The following TESK2 variants were observed in gnomAD, a reference collection of about 807,000 sequenced individuals.
The protein encoded by TESK2 is testis associated actin remodelling kinase 2, also known as dual specificity testis-specific protein kinase 2.
In TESK2, 39 loss-of-function variants were observed where a neutral mutation model predicts 57.1. The ratio of observed to expected loss-of-function variants is 0.68; its 90% confidence interval spans 0.53 to 0.89. The LOEUF (loss-of-function observed/expected upper bound fraction) is 0.89, where lower values mean the gene tolerates loss of function less well. TESK2 is among the 40% of genes least tolerant of loss of function. The pLI, the probability that TESK2 is intolerant of heterozygous loss-of-function variation, is 0.00. For synonymous variants in TESK2, 249 were observed against 267.9 expected (o/e 0.93, Z 0.69); for missense variants, 646 against 732.1 (o/e 0.88, Z 1.36).
At chr1:45,395,721 C>G (rs989975312) in intron 3 of TESK2, among the ~76,000 whole-genome samples, 1 of 150,562 alleles carries the variant, frequency 6.6e-6, no homozygotes, top group African/African-American at 2.4e-5. Context: ...ATCTTTCTGC[C>G]TCACCCTCCC....
intron 1 of TESK2, among the ~76,000 whole-genome samples, chr1:45,461,020 G>A (rs1322691794): frequency 1.3e-5 from 2 of 152,054 alleles, no homozygotes; most frequent in African/African-American, 4.8e-5. Flanking sequence ...CCAGAGTCAT[G>A]GGTCATAATA....
chr1:45,425,377 G>A (rs1650645776), intron 2 of TESK2, among the ~76,000 whole-genome samples: 1 of 152,176 alleles, frequency 6.6e-6, no homozygotes, highest in Non-Finnish European at 1.5e-5. Context: ...AAAAGGCCAG[G>A]CACAGTGGTT....
intron 2 of TESK2, among the ~76,000 whole-genome samples, chr1:45,432,617 G>A (rs550977958): frequency 1.0e-3 from 154 of 150,752 alleles, no homozygotes; most frequent in African/African-American, 3.6e-3. Context: ...CGTGAACTGG[G>A]GAGGCGGAGC....
At chr1:45,436,799 C>CTTTTT (rs35797939) in intron 2 of TESK2, among the ~76,000 whole-genome samples, 1 of 123,120 alleles carries the variant, frequency 8.1e-6, no homozygotes, top group Non-Finnish European at 1.7e-5. Context: ...ACATTAGTAT[C>CTTTTT]TTTTTTTTTT....
chr1:45,468,427 G>C (rs1453929131), intron 1 of TESK2, among the ~76,000 whole-genome samples: 1 of 152,030 alleles, frequency 6.6e-6, no homozygotes, highest in African/African-American at 2.4e-5. Context: ...AATCAACCAA[G>C]CTATAAATGG....
chr1:45,395,532 A>G (rs1649320191), intron 3 of TESK2, among the ~76,000 whole-genome samples: 1 of 151,888 alleles, frequency 6.6e-6, no homozygotes, highest in South Asian at 2.1e-4. Context: ...ATCCTCAAAT[A>G]CCAGTTCAAA....
intron 1 of TESK2, among the ~76,000 whole-genome samples, chr1:45,484,293 G>A (rs1328474801): frequency 6.6e-6 from 1 of 151,652 alleles, no homozygotes; most frequent in Non-Finnish European, 1.5e-5. Flanking sequence ...ATTTTTAGTA[G>A]AGACGGGGTT....
At position 45,357,832 on chromosome 1, in the gene TESK2, C is replaced by G. The variant is rs144501950; in HGVS notation, c.394-2383G>C. Among the ~76,000 whole-genome samples, 347 of 151,100 alleles carry G rather than the reference C, an allele frequency of 2.3e-3. 6 individuals carry two copies. In the East Asian group the frequency reaches 0.031, roughly 13 times the overall value. ...ACCAGCCTGACCAACATGGAGAAACCCTGTCTCTACTAAAAATACAAAATT... is the reference window on the plus strand; with the variant it reads ...ACCAGCCTGACCAACATGGAGAAACGCTGTCTCTACTAAAAATACAAAATT... On this transcript the variant is annotated intron_variant, in intron 4 of 10. Transcript: ENST00000372086.
At chr1:45,346,110 C>T in intron 9 of TESK2, 116 bp from the exon 10 acceptor site, 1 of 785,038 alleles carries the variant, frequency 1.3e-6, no homozygotes, top group South Asian at 1.6e-5. Context: ...GAGACCTTTT[C>T]TAAAGGCCCC....
At chr1:45,479,544 G>A (rs901240173) in intron 1 of TESK2, among the ~76,000 whole-genome samples, 4 of 151,578 alleles carry the variant, frequency 2.6e-5, no homozygotes, top group Non-Finnish European at 5.9e-5. Flanking sequence ...CAATTCTCCT[G>A]CCTTACCCTC....
chr1:45,450,743 G>T lies in TESK2; in HGVS notation c.222+6821C>A, dbSNP rs549452027. Among the ~76,000 whole-genome samples the T allele has an allele frequency of 2.0e-5, 3 of 151,264 alleles. No individual in the cohort carries two copies. In the South Asian group the frequency reaches 6.3e-4, roughly 32 times the overall value. On this transcript the variant is annotated intron_variant, in intron 2 of 10. Transcript: ENST00000372086. ...ATGAAAAGACTGATATGTTTATTTT[G>T]TATTTATTTATTTATTTCTTTTTCT...
intron 1 of TESK2, among the ~76,000 whole-genome samples, chr1:45,467,595 T>G (rs1192986570): frequency 1.3e-5 from 2 of 151,892 alleles, no homozygotes; most frequent in Non-Finnish European, 1.5e-5. Context: ...CTCCCAAAGT[T>G]CTGAGATTAC....
intron 1 of TESK2, among the ~76,000 whole-genome samples, chr1:45,478,175 C>T (rs915118952): frequency 1.1e-4 from 16 of 152,320 alleles, no homozygotes; most frequent in African/African-American, 3.8e-4. Context: ...GCCCTGCTCA[C>T]ACTTCAATAT....
At chr1:45,396,809 T>G (rs1401101264) in intron 3 of TESK2, among the ~76,000 whole-genome samples, 2 of 137,122 alleles carry the variant, frequency 1.5e-5, no homozygotes, top group Admixed American at 7.2e-5. Flanking sequence ...TAAGTTGTTT[T>G]TTTTTTTTTT....
In TESK2 at chr1:45,371,970, G is replaced by T. The variant is rs149385264; in HGVS notation, c.393+13942C>A. 2.2e-3 allele frequency among the ~76,000 whole-genome samples: 341 copies of T among 152,082 alleles called. 5 individuals are homozygous for T. The highest frequency in any genetic ancestry group is 7.9e-3 in the African/African-American group (328 of 41,490). On this transcript the variant is annotated intron_variant, in intron 4 of 10. Coordinates refer to ENST00000372086, the MANE Select transcript of TESK2 (RefSeq NM_007170.3). ...AGAGTTTGTTTCACAAGATGAAAAAGGCCAGCCATAGTGGCTCACTTCTAT... is the reference window on the plus strand; with the variant it reads ...AGAGTTTGTTTCACAAGATGAAAAATGCCAGCCATAGTGGCTCACTTCTAT...
At chr1:45,428,196 G>A (rs764196775) in intron 2 of TESK2, among the ~76,000 whole-genome samples, 79 of 152,242 alleles carry the variant, frequency 5.2e-4, no homozygotes, top group Non-Finnish European at 9.4e-4. Flanking sequence ...AGATAATCCT[G>A]TGAGACAAGT....
chr1:45,440,667 G>T (rs759343596), intron 2 of TESK2, among the ~76,000 whole-genome samples: 5 of 151,668 alleles, frequency 3.3e-5, no homozygotes, highest in Non-Finnish European at 7.4e-5. Context: ...AGTGAGCCAA[G>T]ATCGCACTAC....
intron 3 of TESK2, among the ~76,000 whole-genome samples, chr1:45,399,311 G>A (rs1649501782): frequency 6.6e-6 from 1 of 151,324 alleles, no homozygotes; most frequent in African/African-American, 2.4e-5. Context: ...ACCACACCCA[G>A]CTAATTTTTG....
At position 45,344,302 on chromosome 1, in the gene TESK2, A is replaced by G. The variant is rs1016314158; in HGVS notation, c.*538T>C. The stretch of plus-strand genomic sequence containing the variant: ...CCACGCTGCCTTGCTGTCCCCTTGC[A>G]TAGAAATGTAGTGACGTGGTCTGAC... On this transcript the variant is annotated 3_prime_UTR_variant, in exon 11 of 11. Coordinates refer to ENST00000372086, the MANE Select transcript of TESK2 (RefSeq NM_007170.3). 2 of 158,284 alleles carry G rather than the reference A, an allele frequency of 1.3e-5. No individual in the cohort carries two copies. 9.8% of individuals were successfully genotyped at this position (158,284 alleles called of 1,614,324 possible).
Sources: gnomAD v4.1 joint callset for allele counts (sites outside exome capture counted in the v4.1 genomes callset) on GRCh38, gnomAD v4.1.1 for gene constraint, MANE v1.5 for transcripts, NCBI Gene and HGNC (gene_info 2026-07-23, HGNC 2026-07-21) for gene names.